The following LEPR variants were observed in gnomAD, a reference collection of about 807,000 sequenced individuals.
LEPR encodes OB receptor.
A neutral mutation model predicts 114.7 loss-of-function variants in LEPR; 56 were observed. The ratio of observed to expected loss-of-function variants is 0.49; its 90% CI spans 0.39 to 0.61. The LOEUF is 0.61. Among genes scored for constraint, LEPR ranks in the 20% least tolerant of loss-of-function variants. LEPR has a pLI of 0.00. For missense variants in LEPR, 1,202 were observed against 1,352.9 expected (o/e 0.89, Z 1.75); for synonymous variants, 443 against 461.4 (o/e 0.96, Z 0.51).
intron 2 of LEPR, among the ~76,000 whole-genome samples, chr1:65,553,235 G>T (rs148502238): frequency 6.6e-6 from 1 of 151,992 alleles, no homozygotes; most frequent in South Asian, 2.1e-4. Context: ...TGGTGTTCTC[G>T]TATTTCTTGA....
At chr1:65,507,097 C>A (rs1008062023) in intron 2 of LEPR, among the ~76,000 whole-genome samples, 5 of 152,182 alleles carry the variant, frequency 3.3e-5, no homozygotes, top group Non-Finnish European at 7.3e-5. Context: ...ATCGCCCAGG[C>A]TGGAGTGCAG....
chr1:65,463,174 A>G (rs1322178518), intron 2 of LEPR, among the ~76,000 whole-genome samples: 1 of 152,154 alleles, frequency 6.6e-6, no homozygotes, highest in Non-Finnish European at 1.5e-5. Flanking sequence ...ATTTTTGTAT[A>G]TGGTGTAAGG....
At chr1:65,634,087 C>T (rs1658625425) in intron 19 of LEPR, 1 of 985,340 alleles carries the variant, frequency 1.0e-6, no homozygotes, top group Non-Finnish European at 1.2e-6. Context: ...GAGGACAGAA[C>T]TTTTCTACTT....
At chr1:65,468,896 G>GCT (rs1327863402) in intron 2 of LEPR, among the ~76,000 whole-genome samples, 1 of 152,200 alleles carries the variant, frequency 6.6e-6, no homozygotes, top group Non-Finnish European at 1.5e-5. Flanking sequence ...GGAGACACAA[G>GCT]CCTCAAATAG....
intron 11 of LEPR, among the ~76,000 whole-genome samples, chr1:65,605,898 G>C (rs192508165): frequency 2.0e-5 from 3 of 152,218 alleles, no homozygotes; most frequent in African/African-American, 7.2e-5. Context: ...AACTAAGGAA[G>C]CTTTTGTAGA....
At chr1:65,512,451 AG>A (rs1302994549) in intron 2 of LEPR, among the ~76,000 whole-genome samples, 2 of 152,324 alleles carry the variant, frequency 1.3e-5, no homozygotes, top group East Asian at 3.9e-4. Flanking sequence ...AGCAAGGTGT[AG>A]GAGCAGTAGA....
chr1:65,526,213 G>C, intron 2 of LEPR: 1 of 985,324 alleles, frequency 1.0e-6, no homozygotes, highest in African/African-American at 1.7e-5. Flanking sequence ...GTCCTGAAGA[G>C]AATTTGCTGG....
At chr1:65,590,728 TAC>T (rs1655639757) in intron 5 of LEPR, among the ~76,000 whole-genome samples, 1 of 152,136 alleles carries the variant, frequency 6.6e-6, no homozygotes, top group Admixed American at 6.5e-5. Context: ...AATGGACTAA[TAC>T]AGTCTGGTTA....
At chr1:65,519,014 TCTTTC>T (rs1649483039) in intron 2 of LEPR, among the ~76,000 whole-genome samples, 1 of 72,592 alleles carries the variant, frequency 1.4e-5, no homozygotes, top group Non-Finnish European at 5.2e-5. Flanking sequence ...TCTTTCTTTC[TCTTTC>T]TTTCTCTTTC....
intron 2 of LEPR, among the ~76,000 whole-genome samples, chr1:65,430,807 A>G (rs902581131): frequency 1.1e-4 from 17 of 152,228 alleles, no homozygotes; most frequent in African/African-American, 3.1e-4. Context: ...TAAGTATACT[A>G]TAAGTGTACT....
intron 5 of LEPR, among the ~76,000 whole-genome samples, chr1:65,573,554 A>G (rs1310550509): frequency 2.0e-5 from 3 of 152,172 alleles, no homozygotes; most frequent in African/African-American, 7.2e-5. Context: ...AAGTTTTCTA[A>G]TTACTCTAGT....
intron 5 of LEPR, among the ~76,000 whole-genome samples, chr1:65,573,291 T>A (rs903767332): frequency 6.6e-6 from 1 of 152,224 alleles, no homozygotes; most frequent in Admixed American, 6.5e-5. Context: ...CACATCCATG[T>A]ACCTTACAAA....
intron 4 of LEPR, among the ~76,000 whole-genome samples, chr1:65,571,882 A>G (rs1011670120): frequency 7.3e-6 from 1 of 137,818 alleles, no homozygotes. Flanking sequence ...AGGTGGGAAG[A>G]TTGCTTGAGA....
At position 65,598,655 on chromosome 1, in the gene LEPR, A is replaced by T. The variant is rs1358970140; in HGVS notation, c.850-5A>T. ...GTTCTGATGTTTTAATATAATATTT[A>T]ACAGGCTGACAAGATTGTCTCAGCT... On this transcript the variant is annotated splice_polypyrimidine_tract_variant and splice_region_variant and intron_variant, in intron 7 of 19. Transcript: ENST00000349533. The T allele has an allele frequency of 6.2e-7, 1 of 1,612,850 alleles. No individual in the cohort carries two copies. The highest frequency in any genetic ancestry group is 2.2e-5 in the East Asian group (1 of 44,868).
intron 2 of LEPR, among the ~76,000 whole-genome samples, chr1:65,427,296 G>A (rs190681754): frequency 2.5e-4 from 38 of 152,162 alleles, no homozygotes; most frequent in Non-Finnish European, 3.7e-4. Flanking sequence ...GACAGAGCCC[G>A]GCCGTGGTGG....
intron 2 of LEPR, chr1:65,526,198 C>T (rs1357137488): frequency 1.0e-6 from 1 of 985,080 alleles, no homozygotes; most frequent in African/African-American, 1.7e-5. Flanking sequence ...ACAGTAAACC[C>T]TGGGGTCCTG....
chr1:65,611,232 T>A (rs1373410089), intron 14 of LEPR, among the ~76,000 whole-genome samples: 1 of 152,226 alleles, frequency 6.6e-6, no homozygotes, highest in East Asian at 1.9e-4. Flanking sequence ...ATTTTAATAT[T>A]TCCAACTTAA....
chr1:65,503,865 C>T (rs189866322), intron 2 of LEPR, among the ~76,000 whole-genome samples: 2 of 151,500 alleles, frequency 1.3e-5, no homozygotes, highest in African/African-American at 2.4e-5. Flanking sequence ...GGTCAAGATA[C>T]AAGGATACAC....
At chr1:65,592,323 A>G (rs1370660963) in intron 5 of LEPR, among the ~76,000 whole-genome samples, 1 of 108,028 alleles carries the variant, frequency 9.3e-6, no homozygotes. Context: ...GTGACGAATT[A>G]TTTTTGCTTT....
Sources: gnomAD v4.1 joint callset for allele counts (sites outside exome capture counted in the v4.1 genomes callset) on GRCh38, gnomAD v4.1.1 for gene constraint, MANE v1.5 for transcripts, NCBI Gene and HGNC (gene_info 2026-07-23, HGNC 2026-07-21) for gene names.